ADCY6: variants seen among roughly 807,000 people sequenced by gnomAD.
ADCY6 encodes the protein adenylate cyclase 6.
Under a neutral mutation model 111.6 loss-of-function variants are expected in ADCY6, and 59 were observed. The ratio of observed to expected loss-of-function variants is 0.53; its 90% CI spans 0.43 to 0.66. The LOEUF (loss-of-function observed/expected upper bound fraction) is 0.66, where lower values mean the gene tolerates loss of function less well. ADCY6 is among the 30% of genes least tolerant of loss of function. The probability of loss-of-function intolerance (pLI) is 0.00; values close to 1 mark genes in which losing one functional copy is unlikely to be tolerated. For synonymous variants in ADCY6, 576 were observed against 642.9 expected (o/e 0.90, Z 1.57); for missense variants, 1,242 against 1,595.6 (o/e 0.78, Z 3.78).
At position 48,774,729 on chromosome 12, in the gene ADCY6, T is replaced by C; in HGVS notation, c.2128A>G (p.Ile710Val). The C allele has an allele frequency of 1.2e-6, 2 of 1,614,014 alleles. No homozygotes were observed. Among genetic ancestry groups the C allele is most frequent in the Non-Finnish European group, 1.7e-6 (2 of 1,179,984 alleles). The change falls in exon 13 of 22, where the codon ATC becomes GTC. Residue 710 changes from isoleucine to valine, a missense_variant. Around this residue, in one of 4 missense-constraint regions of ADCY6, gnomAD observed 375 missense variants for 432.5 expected, o/e 0.87. Coordinates refer to ENST00000357869, the MANE Select transcript of ADCY6 (RefSeq NM_015270.5). Reference sequence around the variant, plus strand: ...TACACAGCACAGATCAGCACGGTGATTAGCAGCAGCAGGAAGATGCTGGCA... The same window carrying C: ...TACACAGCACAGATCAGCACGGTGACTAGCAGCAGCAGGAAGATGCTGGCA... The part of the protein sequence containing the change: ...IYASIFLLLL[I>V]TVLICAVYSC...
chr12:48,779,235 A>T (rs1283369683), intron 2 of ADCY6, among the ~76,000 whole-genome samples: 1 of 152,068 alleles, frequency 6.6e-6, no homozygotes, highest in Non-Finnish European at 1.5e-5. Flanking sequence ...ACAATATCCC[A>T]TTTTAAAGGT....
chr12:48,769,124 C>T (rs1432345198), intron 20 of ADCY6, 63 bp from the exon 21 acceptor site: 49 of 1,418,582 alleles, frequency 3.5e-5, no homozygotes, highest in Non-Finnish European at 3.7e-6. Context: ...GGAGTCATCC[C>T]ACCTCCTGGC....
At position 48,776,274 on chromosome 12, in the gene ADCY6, G is replaced by T; in HGVS notation, c.1612C>A (p.Arg538Ser). Residue 538 changes from arginine to serine, a missense_variant, in exon 8 of 22, where the codon CGC (arginine) becomes AGC (serine). Coordinates refer to ENST00000357869, the MANE Select transcript of ADCY6 (RefSeq NM_015270.5). This position sits in a 1 kb window ranked among gnomAD's most constrained non-coding sequence, Gnocchi z 6.1. ...TGCTGCTCCTTGAGGTACGCGTTGC[G>T]CTCGCCACCACGGCCTGGCTCCACC... ...YEVEPGRGGE[R>S]NAYLKEQHIE... 1 of 1,614,224 alleles carries T rather than the reference G, an allele frequency of 6.2e-7. No individual in the cohort carries two copies. Among genetic ancestry groups the T allele is most frequent in the Non-Finnish European group, 8.5e-7 (1 of 1,180,050 alleles).
chr12:48,773,437 TG>T (rs1349889626), intron 16 of ADCY6, 31 bp downstream of exon 16: 3 of 1,606,376 alleles, frequency 1.9e-6, no homozygotes, highest in Non-Finnish European at 2.6e-6. Context: ...GGGAAGCTCC[TG>T]GGGTATTAAA....
rs77471637 is a variant in ADCY6 at position 48,774,815 on chromosome 12, T to C, written c.2079-37A>G. Reference sequence around the variant, plus strand: ...CAGGGCCAGAAAAATCATTTAATTCTGGAAGATCTGGGCATTCTTGTCCCA... The same window carrying C: ...CAGGGCCAGAAAAATCATTTAATTCCGGAAGATCTGGGCATTCTTGTCCCA... On this transcript the variant is annotated intron_variant, in intron 12 of 21. Coordinates refer to ENST00000357869, the MANE Select transcript of ADCY6 (RefSeq NM_015270.5). The C allele has an allele frequency of 2.5e-3, 4,073 of 1,597,638 alleles. 82 individuals carry two copies. In the African/African-American group the frequency reaches 0.045, roughly 18 times the overall value.
rs930557677 is a variant in ADCY6 at position 48,777,295 on chromosome 12, C to G, written c.1249-64G>C. On this transcript the variant is annotated intron_variant, in intron 5 of 21. Coordinates refer to ENST00000357869, the MANE Select transcript of ADCY6 (RefSeq NM_015270.5). This position sits in a 1 kb window ranked among gnomAD's most constrained non-coding sequence, Gnocchi z 4.9. Reference sequence around the variant, plus strand: ...TCTCTTGCCCACCCAGCCTGCATGGCCCACCACCCTCCACGCATACTCTAT... The same window carrying G: ...TCTCTTGCCCACCCAGCCTGCATGGGCCACCACCCTCCACGCATACTCTAT... 2.8e-5 allele frequency: 44 copies of G among 1,593,018 alleles called. No homozygotes were observed. Among genetic ancestry groups the G allele is most frequent in the Non-Finnish European group, 3.7e-5 (43 of 1,169,110 alleles).
At chr12:48,778,871 CATT>C (rs1941774271) in intron 2 of ADCY6, among the ~76,000 whole-genome samples, 1 of 111,650 alleles carries the variant, frequency 9.0e-6, no homozygotes, top group Non-Finnish European at 1.7e-5. Flanking sequence ...CTGAATAACA[CATT>C]TTTTTTTTTT....
In ADCY6 at chr12:48,783,213, G is replaced by A. The variant is rs749615826; in HGVS notation, c.222C>T (p.Gly74=). Reference sequence around the variant, plus strand: ...CCAGCTCCTTGCCCTTGCCTGGGCCGCCCCTCCGGATGAAGGCGTCATCCT... The same window carrying A: ...CCAGCTCCTTGCCCTTGCCTGGGCCACCCCTCCGGATGAAGGCGTCATCCT... The part of the protein sequence containing the change: ...PWQDDAFIRR[G]GPGKGKELGL... Residue 74 remains glycine, a synonymous_variant, in exon 2 of 22, where the codon GGC becomes GGT. Transcript: ENST00000357869. 7 of 1,607,232 alleles carry A rather than the reference G, an allele frequency of 4.4e-6. No individual in the cohort carries two copies. The Admixed American group carries it at 5.0e-5, about 11-fold the overall frequency.
At chr12:48,779,383 T>C (rs1941788064) in intron 2 of ADCY6, among the ~76,000 whole-genome samples, 1 of 152,180 alleles carries the variant, frequency 6.6e-6, no homozygotes, top group Admixed American at 6.5e-5. Flanking sequence ...CTGCATTCCA[T>C]ACTTTGTAGT....
rs770852283 is a variant in ADCY6, at chr12:48,771,963, T to A, written c.2798A>T (p.Glu933Val). ...CTGTAGCTCCTCCATCTCCTCCTTCTCCCCTGTTGCCTGTGGACACCACAC... is the reference window on the plus strand; with the variant it reads ...CTGTAGCTCCTCCATCTCCTCCTTCACCCCTGTTGCCTGTGGACACCACAC... Reference protein sequence around the residue: ...DFLWKLQATGEKEEMEELQAY... With the variant: ...DFLWKLQATGVKEEMEELQAY... Residue 933 changes from glutamate (E) to valine (V), a missense_variant, in exon 19 of 22, where the codon GAG (glutamate) becomes GTG (valine). Glu to Val is a moderately radical substitution (Grantham distance 121, BLOSUM62 -2). This residue lies in a region of ADCY6 where 245 missense variants were observed against 371.3 expected (regional missense o/e 0.66). Transcript: ENST00000357869. The surrounding 1 kb of genome is among the most constrained non-coding windows in gnomAD (Gnocchi z 4.3). The A allele has an allele frequency of 6.2e-7, 1 of 1,609,382 alleles. No individual in the cohort carries two copies.
chr12:48,773,236 AT>A lies in ADCY6; in HGVS notation c.2621+232del, dbSNP rs936375167. On this transcript the variant is annotated intron_variant, in intron 16 of 21. Transcript: ENST00000357869. ...AAGCACCATGCAAATGTAAGAGGGA[AT>A]TTTTTTTTTTAATGTCTAGCCTAAA... is the stretch of plus-strand genomic sequence containing the variant. Among the ~76,000 whole-genome samples, 578 of 148,544 alleles carry A rather than the reference AT, an allele frequency of 3.9e-3. 8 individuals are homozygous for A. The highest frequency in any genetic ancestry group is 0.013 in the African/African-American group (530 of 40,734).
At position 48,776,105 on chromosome 12, in the gene ADCY6, A is replaced by G; in HGVS notation, c.1678-14T>C. 1 of 1,613,876 alleles carries G rather than the reference A, an allele frequency of 6.2e-7. No individual in the cohort carries two copies. Among genetic ancestry groups the G allele is most frequent in the Non-Finnish European group, 8.5e-7 (1 of 1,179,888 alleles). ...CTTCTCCTCTTTCTGTGCGGGCAGC[A>G]TGGGTACAGGCTCAGAAGAGGGGCC... On this transcript the variant is annotated splice_polypyrimidine_tract_variant and intron_variant, in intron 8 of 21. Coordinates refer to ENST00000357869, the MANE Select transcript of ADCY6 (RefSeq NM_015270.5). The surrounding 1 kb of genome is among the most constrained non-coding windows in gnomAD (Gnocchi z 6.1).
At position 48,773,670 on chromosome 12, in the gene ADCY6, G is replaced by A. The variant is rs150962819; in HGVS notation, c.2443-23C>T. 2.2e-3 allele frequency: 3,580 copies of A among 1,613,660 alleles called. 19 individuals are homozygous for A. Among genetic ancestry groups the A allele is most frequent in the East Asian group, 0.015 (672 of 44,886 alleles). On this transcript the variant is annotated intron_variant, in intron 15 of 21. Transcript: ENST00000357869. ...GTACTGCGGGGGTGGCAGAGGCAGC[G>A]TTGGGTGAAGGCAGAGGCCACAGCA... is the stretch of plus-strand genomic sequence containing the variant.
At position 48,771,375 on chromosome 12, in the gene ADCY6, G is replaced by A; in HGVS notation, c.3051+335C>T. On this transcript the variant is annotated intron_variant, in intron 19 of 21. Transcript: ENST00000357869. The surrounding 1 kb of genome is among the most constrained non-coding windows in gnomAD (Gnocchi z 4.3). ...TTGCTTCAATTTTCTCTATTCAGAG[G>A]ACCATCTTGCTTGGTTGGTCTCATG... 4 of 502,838 alleles carry A rather than the reference G, an allele frequency of 8.0e-6. No homozygotes were observed. In the South Asian group the frequency reaches 8.4e-5, roughly 11 times the overall value. 31.1% of individuals were successfully genotyped at this position (502,838 alleles called of 1,614,324 possible). A position where few individuals can be genotyped will look rare whatever the true frequency, so the allele number is the denominator to read the frequency against.
At position 48,770,873 on chromosome 12, in the gene ADCY6, T is replaced by C; in HGVS notation, c.3149A>G (p.Gln1050Arg). 1.9e-6 allele frequency: 3 copies of C among 1,614,244 alleles called. No homozygotes were observed. Among genetic ancestry groups the C allele is most frequent in the Non-Finnish European group, 8.5e-7 (1 of 1,180,040 alleles). The change falls in exon 20 of 22, where the codon CAG becomes CGG. Residue 1050 changes from glutamine (Q) to arginine (R), a missense_variant. This residue lies in a region of ADCY6 where 245 missense variants were observed against 371.3 expected (regional missense o/e 0.66). Transcript: ENST00000357869. ...ASGLNASTYDQVGRSHITALA... is the reference protein window; with the variant it reads ...ASGLNASTYDRVGRSHITALA... ...GGCAGTGATGTGGGAGCGGCCCACC[T>C]GATCGTAGGTGCTGGCGTTCAGCCC...
At position 48,774,093 on chromosome 12, in the gene ADCY6, G is replaced by C. The variant is rs1217327327; in HGVS notation, c.2289C>G (p.Thr763=). Residue 763 remains threonine (T), a synonymous_variant, in exon 15 of 22, where the codon ACC becomes ACG. Coordinates refer to ENST00000357869, the MANE Select transcript of ADCY6 (RefSeq NM_015270.5). ...VFTSAIANMF[T]CNHTPIRSCA... ...AGCTCCGTATGGGGGTGTGGTTACA[G>C]GTGAACTGCAAAAGTGGAGGGGTAT... 2.5e-6 allele frequency: 4 copies of C among 1,607,202 alleles called. No individual in the cohort carries two copies. Among genetic ancestry groups the C allele is most frequent in the Non-Finnish European group, 3.4e-6 (4 of 1,176,520 alleles).
At chr12:48,781,092 G>A (rs1289093912) in intron 2 of ADCY6, among the ~76,000 whole-genome samples, 1 of 151,982 alleles carries the variant, frequency 6.6e-6, no homozygotes, top group East Asian at 1.9e-4. Context: ...CAGCTACTCA[G>A]GAGGCCGAGG....
intron 18 of ADCY6, 21 bp downstream of exon 18, chr12:48,772,274 C>T (rs1440947015): frequency 2.5e-6 from 4 of 1,598,528 alleles, no homozygotes; most frequent in African/African-American, 1.3e-5. Context: ...CTCCTCTTCC[C>T]CCAAAGGCCC....
intron 18 of ADCY6, 51 bp downstream of exon 18, chr12:48,772,244 C>A (rs1248085987): frequency 5.1e-6 from 8 of 1,564,770 alleles, no homozygotes; most frequent in Admixed American, 1.9e-5. Context: ...TGGCCTGGCC[C>A]AGGCTCCGCC....
Sources: allele counts gnomAD v4.1 joint callset (sites outside exome capture counted in the v4.1 genomes callset), GRCh38; gene constraint gnomAD v4.1.1; regional missense constraint gnomAD v4.1.1; non-coding constraint Gnocchi (gnomAD v3.1); transcripts MANE v1.5; gene names NCBI Gene and HGNC (gene_info 2026-07-23, HGNC 2026-07-21).